DPYD: variants seen among roughly 807,000 people sequenced by gnomAD.
DPYD encodes dihydropyrimidine dehydrogenase [NADP(+)].
In DPYD, 109 loss-of-function variants were observed where a neutral mutation model predicts 116.2. The ratio of observed to expected loss-of-function variants is 0.94; its 90% CI spans 0.80 to 1.10. DPYD has a LOEUF of 1.10. Among genes scored for constraint, DPYD ranks in the 50% least tolerant of loss-of-function variants. The pLI is 0.00. For synonymous variants in DPYD, 440 were observed against 432.0 expected (o/e 1.02, Z -0.23); for missense variants, 1,302 against 1,254.5 (o/e 1.04, Z -0.57).
chr1:97,860,512 CA>C (rs1671063466), intron 2 of DPYD, among the ~76,000 whole-genome samples: 1 of 152,038 alleles, frequency 6.6e-6, no homozygotes, highest in African/African-American at 2.4e-5. Flanking sequence ...CAACACATAG[CA>C]GAGAATTATG....
At chr1:97,710,733 G>C (rs1198721455) in intron 5 of DPYD, among the ~76,000 whole-genome samples, 3 of 151,572 alleles carry the variant, frequency 2.0e-5, no homozygotes, top group East Asian at 3.9e-4. Flanking sequence ...AAAAAACATA[G>C]ACTCTCCAGT....
chr1:97,488,959 T>C (rs1455439394), intron 13 of DPYD, among the ~76,000 whole-genome samples: 3 of 152,238 alleles, frequency 2.0e-5, no homozygotes, highest in East Asian at 1.9e-4. Context: ...CCTCTGCTGC[T>C]GTGTATGCTG....
Position 97,245,459 on chromosome 1 carries a change from C to T in DPYD, c.2300-10465G>A, listed in dbSNP as rs567087564. 7.9e-5 allele frequency among the ~76,000 whole-genome samples: 12 copies of T among 152,136 alleles called. No homozygotes were observed. The Middle Eastern group carries it at 0.014, about 172-fold the overall frequency. On this transcript the variant is annotated intron_variant, in intron 18 of 22. Coordinates refer to ENST00000370192, the MANE Select transcript of DPYD (RefSeq NM_000110.4). The stretch of plus-strand genomic sequence containing the variant: ...AACTATTTAAAAAAGACATATTTCC[C>T]CAGCCAAGAAATTATTCTCACCTAT...
At chr1:97,420,999 G>A (rs890283729) in intron 14 of DPYD, among the ~76,000 whole-genome samples, 5 of 152,160 alleles carry the variant, frequency 3.3e-5, no homozygotes, top group African/African-American at 1.2e-4. Flanking sequence ...CACTGTGACA[G>A]CAGGGGTTTG....
At chr1:97,720,490 TA>T (rs1485319779) in intron 5 of DPYD, 1 of 994,854 alleles carries the variant, frequency 1.0e-6, no homozygotes, top group African/African-American at 1.7e-5. Flanking sequence ...TCCCAGAATT[TA>T]TTGCAACAAT....
In DPYD at chr1:97,865,661, G is replaced by A. The variant is rs186096966; in HGVS notation, c.150+17603C>T. 4.4e-3 allele frequency among the ~76,000 whole-genome samples: 675 copies of A among 151,906 alleles called. 8 individuals carry two copies. The highest frequency in any genetic ancestry group is 0.015 in the African/African-American group (602 of 41,428). ...TATAAGAGGTAGATCTCAAATGAGC[G>A]TAAAGATCAATAACAATTATGTGCC... On this transcript the variant is annotated intron_variant, in intron 2 of 22. Coordinates refer to ENST00000370192, the MANE Select transcript of DPYD (RefSeq NM_000110.4).
intron 3 of DPYD, among the ~76,000 whole-genome samples, chr1:97,787,329 G>C (rs907916874): frequency 1.3e-5 from 2 of 152,112 alleles, no homozygotes; most frequent in East Asian, 3.8e-4. Context: ...CAGTGAAATA[G>C]ATCATAATGA....
chr1:97,383,963 G>T (rs575851906), intron 14 of DPYD, among the ~76,000 whole-genome samples: 2 of 152,078 alleles, frequency 1.3e-5, no homozygotes, highest in East Asian at 3.9e-4. Flanking sequence ...AGAAAAATTA[G>T]CTGGGTGTGG....
intron 8 of DPYD, among the ~76,000 whole-genome samples, chr1:97,598,198 A>G (rs971605601): frequency 6.6e-6 from 1 of 152,202 alleles, no homozygotes; most frequent in African/African-American, 2.4e-5. Flanking sequence ...ATCAAGTTCC[A>G]CAAAGAAAGA....
chr1:97,134,743 A>G (rs1336860698), intron 20 of DPYD, among the ~76,000 whole-genome samples: 2 of 152,128 alleles, frequency 1.3e-5, no homozygotes, highest in South Asian at 2.1e-4. Context: ...ACATACTTTT[A>G]AAGGTTCAGC....
At chr1:97,292,297 A>G (rs890336742) in intron 18 of DPYD, among the ~76,000 whole-genome samples, 6 of 152,160 alleles carry the variant, frequency 3.9e-5, no homozygotes, top group African/African-American at 1.2e-4. Context: ...AAAGAGATTT[A>G]ATTCACTCAC....
intron 8 of DPYD, among the ~76,000 whole-genome samples, chr1:97,615,841 A>T (rs747971434): frequency 2.0e-5 from 3 of 152,128 alleles, no homozygotes; most frequent in Non-Finnish European, 2.9e-5. Flanking sequence ...TTCATTTCTG[A>T]TAAACCAATT....
At chr1:97,134,013 AAATATATATATATATATATATAT>A (rs1396181613) in intron 20 of DPYD, among the ~76,000 whole-genome samples, 596 of 18,798 alleles carry the variant, frequency 0.032, 59 homozygotes, top group Middle Eastern at 0.083. Flanking sequence ...AAAAAAAAAA[AAATATATATATATATATATATAT>A]ATATATATAT....
chr1:97,507,504 T>C (rs1647429892), intron 13 of DPYD, among the ~76,000 whole-genome samples: 1 of 152,030 alleles, frequency 6.6e-6, no homozygotes, highest in East Asian at 1.9e-4. Flanking sequence ...AATAAATAAG[T>C]AAATCAGTTT....
In DPYD at chr1:97,865,167, T is replaced by G. The variant is rs115645220; in HGVS notation, c.150+18097A>C. Reference sequence around the variant, plus strand: ...AGTATAAGACAACTTACACAACAAGTTGGTCAGGTAAAGACTTGTCTGCCT... The same window carrying G: ...AGTATAAGACAACTTACACAACAAGGTGGTCAGGTAAAGACTTGTCTGCCT... On this transcript the variant is annotated intron_variant, in intron 2 of 22. Transcript: ENST00000370192. 3.5e-3 allele frequency among the ~76,000 whole-genome samples: 530 copies of G among 151,960 alleles called. 2 individuals are homozygous for G. Among genetic ancestry groups the G allele is most frequent in the African/African-American group, 0.012 (496 of 41,500 alleles).
intron 13 of DPYD, among the ~76,000 whole-genome samples, chr1:97,456,466 T>C (rs1330809260): frequency 6.6e-6 from 1 of 152,042 alleles, no homozygotes; most frequent in African/African-American, 2.4e-5. Context: ...GTTCATATGA[T>C]AGAATATAGC....
At chr1:97,336,282 GC>G (rs1451091783) in intron 16 of DPYD, among the ~76,000 whole-genome samples, 1 of 152,106 alleles carries the variant, frequency 6.6e-6, no homozygotes, top group African/African-American at 2.4e-5. Flanking sequence ...GTATCAATGA[GC>G]CCAAATCAAT....
chr1:97,739,586 T>C (rs931110192), intron 4 of DPYD, among the ~76,000 whole-genome samples: 5 of 152,272 alleles, frequency 3.3e-5, no homozygotes, highest in East Asian at 1.9e-4. Context: ...AGGCACCTGG[T>C]TGTTGAAGAA....
intron 1 of DPYD, among the ~76,000 whole-genome samples, chr1:97,908,448 C>T (rs1261029262): frequency 3.9e-5 from 6 of 152,002 alleles, no homozygotes; most frequent in Non-Finnish European, 8.8e-5. Flanking sequence ...GTTGCCACCA[C>T]ACCCTCTACC....
Sources: gnomAD v4.1 joint callset for allele counts (sites outside exome capture counted in the v4.1 genomes callset) on GRCh38, gnomAD v4.1.1 for gene constraint, MANE v1.5 for transcripts, NCBI Gene and HGNC (gene_info 2026-07-23, HGNC 2026-07-21) for gene names.